Variants in SLC10A1 observed in about 807,000 individuals in gnomAD.
SLC10A1 encodes hepatic sodium/bile acid cotransporter.
A neutral mutation model predicts 20.5 loss-of-function variants in SLC10A1; 36 were observed. The observed-to-expected ratio is 1.75, with a 90% confidence interval of 1.34 to 2.32. The LOEUF (loss-of-function observed/expected upper bound fraction) is 2.32, where lower values mean the gene tolerates loss of function less well. SLC10A1 is among the 30% of genes most tolerant of loss of function. SLC10A1 has a pLI of 0.00. For synonymous variants in SLC10A1, 188 were observed against 163.6 expected, an observed-to-expected ratio of 1.15 and a Z score of -1.14; for missense variants, 545 against 439.1, an observed-to-expected ratio of 1.24 and a Z score of -2.16.
chr14:69,795,960 G>A (rs1326363064), intron 1 of SLC10A1, among the ~76,000 whole-genome samples: 1 of 152,202 alleles, frequency 6.6e-6, no homozygotes, highest in Non-Finnish European at 1.5e-5. Context: ...CTGCTAGTGA[G>A]TTTTCTTTAG....
chr14:69,776,321 G>A lies in SLC10A1; in HGVS notation c.1011C>T (p.Gly337=). 1 of 1,613,698 alleles carries A rather than the reference G, an allele frequency of 6.2e-7. No homozygotes were observed. Among genetic ancestry groups the A allele is most frequent in the Non-Finnish European group, 8.5e-7 (1 of 1,179,992 alleles). Residue 337 remains glycine, a synonymous_variant, in exon 5 of 5, where the codon GGC becomes GGT. Transcript: ENST00000216540. ...EETIPGALGN[G]TYKGEDCSPC... is the part of the protein sequence containing the mutation. ...GGGAGCAGTCCTCCCCTTTGTAGGT[G>A]CCATTTCCCAGAGCTCCTGGAATTG...
chr14:69,796,584 G>T (rs960095344), intron 1 of SLC10A1, among the ~76,000 whole-genome samples: 2 of 152,150 alleles, frequency 1.3e-5, no homozygotes, highest in Admixed American at 6.5e-5. Flanking sequence ...GACCAGTATG[G>T]TCCCTTTGGC....
At chr14:69,790,099 T>C (rs1336979861) in intron 1 of SLC10A1, among the ~76,000 whole-genome samples, 1 of 152,060 alleles carries the variant, frequency 6.6e-6, no homozygotes, top group Non-Finnish European at 1.5e-5. Context: ...TTAACTTAAA[T>C]GGACAATTTC....
intron 2 of SLC10A1, among the ~76,000 whole-genome samples, chr14:69,781,588 GAGTT>G (rs1205363343): frequency 1.3e-5 from 2 of 152,230 alleles, no homozygotes; most frequent in Non-Finnish European, 1.5e-5. Context: ...AGACAAAGGA[GAGTT>G]AGGGGTCAGT....
intron 3 of SLC10A1, 111 bp from the exon 4 acceptor site, chr14:69,778,640 CAG>C: frequency 2.2e-6 from 2 of 898,980 alleles, no homozygotes; most frequent in Admixed American, 3.1e-5. Flanking sequence ...AGACCCTGGA[CAG>C]GGGTACTTTG....
intron 1 of SLC10A1, among the ~76,000 whole-genome samples, chr14:69,789,810 G>C (rs1883798809): frequency 6.6e-6 from 1 of 151,550 alleles, no homozygotes; most frequent in Admixed American, 6.6e-5. Context: ...AAATTAATGA[G>C]TTAAGCACCT....
At position 69,775,997 on chromosome 14, in the gene SLC10A1, T is replaced by A; in HGVS notation, c.*285A>T. Reference sequence around the variant, plus strand: ...ACTTTAAGATGCTTATCAGACACTTTTAGAGATCCCAGCAAGAGGCAGATT... The same window carrying A: ...ACTTTAAGATGCTTATCAGACACTTATAGAGATCCCAGCAAGAGGCAGATT... On this transcript the variant is annotated 3_prime_UTR_variant, in exon 5 of 5. Coordinates refer to ENST00000216540, the MANE Select transcript of SLC10A1 (RefSeq NM_003049.4). 2.5e-6 allele frequency: 1 copy of A among 395,114 alleles called. No individual in the cohort carries two copies. The highest frequency in any genetic ancestry group is 4.6e-6 in the Non-Finnish European group (1 of 218,670). The allele number at this position is 395,114 out of a possible 1,614,324, so 24.5% of individuals were successfully genotyped here. A position where few individuals can be genotyped will look rare whatever the true frequency, so the allele number is the denominator to read the frequency against.
chr14:69,792,888 C>A (rs150403469), intron 1 of SLC10A1, among the ~76,000 whole-genome samples: 1 of 150,166 alleles, frequency 6.7e-6, no homozygotes, highest in Non-Finnish European at 1.5e-5. Flanking sequence ...TAATACTGTT[C>A]GTACAAAATT....
chr14:69,797,173 G>A lies in SLC10A1; in HGVS notation c.-18C>T, dbSNP rs1882406034. On this transcript the variant is annotated 5_prime_UTR_variant, in exon 1 of 5. Transcript: ENST00000216540. ...GCCTCCATCCTCCTGTGAGGCAGTG[G>A]AAGACCACTCCTTGTTCTCCGGCTG... The A allele has an allele frequency of 6.3e-7, 1 of 1,587,230 alleles. No individual in the cohort carries two copies.
At chr14:69,784,842 G>C (rs932494829) in intron 2 of SLC10A1, among the ~76,000 whole-genome samples, 1 of 152,088 alleles carries the variant, frequency 6.6e-6, no homozygotes, top group Non-Finnish European at 1.5e-5. Flanking sequence ...CCACAGAAAG[G>C]AGGAGGGATG....
intron 1 of SLC10A1, among the ~76,000 whole-genome samples, chr14:69,787,034 G>C (rs1358533736): frequency 6.6e-6 from 1 of 152,206 alleles, no homozygotes; most frequent in Non-Finnish European, 1.5e-5. Context: ...CCATAATGGT[G>C]GGGTAGTAGA....
chr14:69,782,427 CTT>C (rs1594761691), intron 2 of SLC10A1, among the ~76,000 whole-genome samples: 1 of 152,206 alleles, frequency 6.6e-6, no homozygotes, highest in African/African-American at 2.4e-5. Context: ...TGCCAAGTAA[CTT>C]TTCCGGGCCT....
chr14:69,780,949 C>G (rs1662384261), intron 2 of SLC10A1, among the ~76,000 whole-genome samples: 1 of 152,146 alleles, frequency 6.6e-6, no homozygotes, highest in African/African-American at 2.4e-5. Context: ...TCCAGAAGCC[C>G]TCTTCTTCTG....
chr14:69,781,142 A>G lies in SLC10A1; in HGVS notation c.568-1782T>C, dbSNP rs185505875. Among the ~76,000 whole-genome samples the G allele has an allele frequency of 4.2e-4, 64 of 152,298 alleles. No homozygotes were observed. In the Middle Eastern group the frequency reaches 0.024, roughly 57 times the overall value. ...AGGTTGACGGCATAGGACCTGGCAT[A>G]TAAGAACCGCTCACTAAACTGTAAC... is the stretch of plus-strand genomic sequence containing the variant. On this transcript the variant is annotated intron_variant, in intron 2 of 4. Coordinates refer to ENST00000216540, the MANE Select transcript of SLC10A1 (RefSeq NM_003049.4).
At position 69,796,813 on chromosome 14, in the gene SLC10A1, C is replaced by G. The variant is rs138880008; in HGVS notation, c.343G>C (p.Asp115His). The G allele has an allele frequency of 2.5e-6, 4 of 1,613,572 alleles. No individual in the cohort carries two copies. The highest frequency in any genetic ancestry group is 2.5e-6 in the Non-Finnish European group (3 of 1,179,694). ...SNVFSLAMKG[D>H]MNLSIVMTTC... ...CCCCAGGCCTACCTGAGGTTCATGTCCCCCTTCATGGCCAGACTGAAGACA... is the reference window on the plus strand; with the variant it reads ...CCCCAGGCCTACCTGAGGTTCATGTGCCCCTTCATGGCCAGACTGAAGACA... The change falls in exon 1 of 5, where the codon GAC (aspartate) becomes CAC (histidine). Residue 115 changes from aspartate (D) to histidine (H), a missense_variant. Coordinates refer to ENST00000216540, the MANE Select transcript of SLC10A1 (RefSeq NM_003049.4).
chr14:69,787,601 A>G (rs935451805), intron 1 of SLC10A1, among the ~76,000 whole-genome samples: 2 of 152,258 alleles, frequency 1.3e-5, no homozygotes, highest in African/African-American at 4.8e-5. Flanking sequence ...CATCAAGAAC[A>G]ATAGGTAGGC....
chr14:69,781,678 A>T (rs989604641), intron 2 of SLC10A1, among the ~76,000 whole-genome samples: 2 of 152,324 alleles, frequency 1.3e-5, no homozygotes, highest in Non-Finnish European at 2.9e-5. Context: ...CTTATTAAAG[A>T]GTGGTGGATG....
At chr14:69,785,014 A>G (rs1428335333) in intron 2 of SLC10A1, among the ~76,000 whole-genome samples, 4 of 152,148 alleles carry the variant, frequency 2.6e-5, no homozygotes, top group Non-Finnish European at 5.9e-5. Context: ...GCTGCTGCCA[A>G]ACTTTGGGGT....
At chr14:69,792,200 C>A (rs1325848978) in intron 1 of SLC10A1, among the ~76,000 whole-genome samples, 1 of 151,806 alleles carries the variant, frequency 6.6e-6, no homozygotes, top group Admixed American at 6.6e-5. Context: ...TAAAGAAACC[C>A]CTAAAAAACA....
Sources: gnomAD v4.1 joint callset for allele counts (sites outside exome capture counted in the v4.1 genomes callset) on GRCh38, gnomAD v4.1.1 for gene constraint, MANE v1.5 for transcripts, NCBI Gene and HGNC (gene_info 2026-07-23, HGNC 2026-07-21) for gene names.